The following GNAI1 variants were observed in gnomAD, a reference collection of about 807,000 sequenced individuals.
GNAI1 encodes G protein subunit alpha i1.
In GNAI1, 11 loss-of-function variants were observed where a neutral mutation model predicts 38.9. That is an observed-to-expected ratio of 0.28 (90% confidence interval 0.18 to 0.47). The LOEUF is 0.47. Among genes scored for constraint, GNAI1 ranks in the 20% least tolerant of loss-of-function variants. GNAI1 has a pLI of 0.99. For synonymous variants in GNAI1, 166 were observed against 145.1 expected, an observed-to-expected ratio of 1.14 and a Z score of -1.04; for missense variants, 317 against 436.9, an observed-to-expected ratio of 0.73 and a Z score of 2.45.
chr7:80,155,086 A>C (rs192388852), intron 1 of GNAI1, among the ~76,000 whole-genome samples: 2 of 152,284 alleles, frequency 1.3e-5, no homozygotes, highest in Admixed American at 1.3e-4. Context: ...ATTGTTTGTT[A>C]TAAATGTATT....
intron 1 of GNAI1, among the ~76,000 whole-genome samples, chr7:80,160,533 G>T (rs1416394326): frequency 6.6e-6 from 1 of 152,064 alleles, no homozygotes; most frequent in African/African-American, 2.4e-5. Flanking sequence ...TGACCAAGCA[G>T]CTTTCAGCCC....
chr7:80,204,735 A>T (rs1401601348), intron 5 of GNAI1, among the ~76,000 whole-genome samples: 1 of 152,134 alleles, frequency 6.6e-6, no homozygotes, highest in African/African-American at 2.4e-5. Context: ...AATTACCCTT[A>T]AGTCTGTACT....
intron 3 of GNAI1, among the ~76,000 whole-genome samples, chr7:80,192,249 C>CT (rs1562838013): frequency 6.6e-6 from 1 of 152,012 alleles, no homozygotes; most frequent in Non-Finnish European, 1.5e-5. Flanking sequence ...TTTAAATTCT[C>CT]TTATTTTTTT....
intron 1 of GNAI1, among the ~76,000 whole-genome samples, chr7:80,152,463 A>G (rs1304185616): frequency 6.6e-6 from 1 of 152,120 alleles, no homozygotes; most frequent in East Asian, 1.9e-4. Context: ...TAAGTTATGC[A>G]TATCCATTGA....
intron 1 of GNAI1, among the ~76,000 whole-genome samples, chr7:80,155,200 T>TA (rs1302753004): frequency 1.3e-5 from 2 of 152,180 alleles, no homozygotes; most frequent in Admixed American, 6.5e-5. Flanking sequence ...TAATACTTTT[T>TA]ATAATCTCCT....
intron 1 of GNAI1, among the ~76,000 whole-genome samples, chr7:80,160,315 TA>T (rs892931582): frequency 6.6e-6 from 1 of 151,932 alleles, no homozygotes; most frequent in Non-Finnish European, 1.5e-5. Flanking sequence ...TTTTGGTTAC[TA>T]AAAAAAATGG....
chr7:80,171,799 C>T (rs1275386071), intron 1 of GNAI1, among the ~76,000 whole-genome samples: 1 of 152,148 alleles, frequency 6.6e-6, no homozygotes, highest in Non-Finnish European at 1.5e-5. Context: ...AGTTATTTAT[C>T]AGACATCTTA....
At position 80,199,241 on chromosome 7, in the gene GNAI1, T is replaced by A; in HGVS notation, c.320T>A (p.Leu107His). ...DSARADDARQ[L>H]FVLAGAAEEG... ...AATGTTCAGGATGATGCACGCCAAC[T>A]CTTTGTGCTAGCTGGAGCTGCTGAA... Residue 107 changes from leucine (L) to histidine (H), a missense_variant, in exon 4 of 8, where the codon CTC becomes CAC. Physicochemically the swap from Leu to His is moderately conservative, Grantham distance 99. This residue lies in a region of GNAI1 where 67 missense variants were observed against 61.5 expected (regional missense o/e 1.09). Transcript: ENST00000649796. 1 of 1,611,884 alleles carries A rather than the reference T, an allele frequency of 6.2e-7. No individual in the cohort carries two copies. Among genetic ancestry groups the A allele is most frequent in the Non-Finnish European group, 8.5e-7 (1 of 1,178,890 alleles).
intron 1 of GNAI1, among the ~76,000 whole-genome samples, chr7:80,182,721 A>G (rs1788315991): frequency 6.6e-6 from 1 of 150,542 alleles, no homozygotes; most frequent in Admixed American, 6.7e-5. Context: ...ATTGTGATGT[A>G]CATCTAAGAG....
At chr7:80,207,197 C>T (rs907553361) in intron 5 of GNAI1, among the ~76,000 whole-genome samples, 2 of 151,986 alleles carry the variant, frequency 1.3e-5, no homozygotes, top group African/African-American at 4.8e-5. Context: ...AAAGTGAGAA[C>T]TGTATACATA....
At chr7:80,199,934 A>G (rs1332093833) in intron 4 of GNAI1, among the ~76,000 whole-genome samples, 1 of 152,186 alleles carries the variant, frequency 6.6e-6, no homozygotes, top group Non-Finnish European at 1.5e-5. Flanking sequence ...GTTTCCAGAT[A>G]TTTAAGTACA....
intron 1 of GNAI1, among the ~76,000 whole-genome samples, chr7:80,181,572 C>T (rs887606571): frequency 1.3e-5 from 2 of 152,136 alleles, no homozygotes; most frequent in African/African-American, 2.4e-5. Flanking sequence ...TTCAGTTAGC[C>T]GAATGGTCTA....
intron 1 of GNAI1, among the ~76,000 whole-genome samples, chr7:80,171,515 G>T (rs1052806802): frequency 6.6e-6 from 1 of 152,110 alleles, no homozygotes; most frequent in African/African-American, 2.4e-5. Context: ...TGAAGACAAC[G>T]TCATCTTTTA....
intron 7 of GNAI1, among the ~76,000 whole-genome samples, chr7:80,216,123 A>G (rs1010637468): frequency 2.6e-5 from 4 of 152,180 alleles, no homozygotes; most frequent in African/African-American, 7.2e-5. Flanking sequence ...GAAGCATTAC[A>G]TAGAGCATTA....
chr7:80,174,580 T>A (rs911582773), intron 1 of GNAI1, among the ~76,000 whole-genome samples: 1 of 151,922 alleles, frequency 6.6e-6, no homozygotes, highest in African/African-American at 2.4e-5. Flanking sequence ...TTATATTTTA[T>A]TTATGGTTTT....
intron 1 of GNAI1, among the ~76,000 whole-genome samples, chr7:80,160,081 C>T (rs763780892): frequency 1.3e-5 from 2 of 152,122 alleles, no homozygotes; most frequent in Admixed American, 6.6e-5. Flanking sequence ...AACTCTGTTG[C>T]GGATCAATTT....
chr7:80,155,479 T>G (rs768764980), intron 1 of GNAI1, among the ~76,000 whole-genome samples: 4 of 152,224 alleles, frequency 2.6e-5, no homozygotes, highest in Non-Finnish European at 5.9e-5. Context: ...AGTTAGAGGT[T>G]ATGTTTTTAT....
chr7:80,209,459 G>C (rs775826986), intron 5 of GNAI1, among the ~76,000 whole-genome samples: 9 of 152,110 alleles, frequency 5.9e-5, no homozygotes, highest in African/African-American at 1.2e-4. Context: ...TATTATTAAG[G>C]ATAGTCTCCA....
intron 1 of GNAI1, among the ~76,000 whole-genome samples, chr7:80,164,752 T>A (rs771478769): frequency 2.0e-5 from 3 of 152,214 alleles, no homozygotes; most frequent in Non-Finnish European, 4.4e-5. Flanking sequence ...ATCTCTGCTC[T>A]TCTCTAACAT....
Sources: allele counts gnomAD v4.1 joint callset (sites outside exome capture counted in the v4.1 genomes callset), GRCh38; gene constraint gnomAD v4.1.1; regional missense constraint gnomAD v4.1.1; transcripts MANE v1.5; gene names NCBI Gene and HGNC (gene_info 2026-07-23, HGNC 2026-07-21).